The following ARB2A variants were observed in gnomAD, a reference collection of about 807,000 sequenced individuals.
ARB2A encodes the protein ARB2 cotranscriptional regulator A.
At chr5:93,816,917 C>T in the ARB2A span, among the ~76,000 whole-genome samples, 5 of 152,056 alleles carry the variant, frequency 3.3e-5, no homozygotes, top group African/African-American at 9.7e-5. Flanking sequence ...TGCTAGCCAC[C>T]TTTATTCAAC....
chr5:93,750,957 A>C, the ARB2A span, among the ~76,000 whole-genome samples: 1 of 152,172 alleles, frequency 6.6e-6, no homozygotes, highest in African/African-American at 2.4e-5. Flanking sequence ...AAAGTAAATA[A>C]AAGTAAAAAA....
the ARB2A span, among the ~76,000 whole-genome samples, chr5:94,068,846 G>A: frequency 4.8e-5 from 6 of 126,142 alleles, no homozygotes; most frequent in South Asian, 2.5e-4. Context: ...GTGAAACCCC[G>A]TCTCTACTAA....
chr5:93,740,597 G>A, the ARB2A span: 7 of 1,598,460 alleles, frequency 4.4e-6, no homozygotes, highest in Non-Finnish European at 6.0e-6. Context: ...AGGAGGCCCA[G>A]AGTGGTGGCT....
the ARB2A span, chr5:93,784,342 C>A: frequency 7.0e-7 from 1 of 1,435,102 alleles, no homozygotes; most frequent in Non-Finnish European, 9.8e-7. Context: ...TATAAAGGCT[C>A]ACACCCATTC....
the ARB2A span, among the ~76,000 whole-genome samples, chr5:93,788,209 G>T: frequency 5.3e-5 from 8 of 152,076 alleles, no homozygotes; most frequent in Admixed American, 5.2e-4. Flanking sequence ...AATTGAGGGG[G>T]GGAAATCCTG....
the ARB2A span, among the ~76,000 whole-genome samples, chr5:93,951,467 A>C: frequency 1.3e-5 from 2 of 152,170 alleles, no homozygotes; most frequent in African/African-American, 2.4e-5. Context: ...TTGAGGTCTT[A>C]AATTTTTTAA....
At chr5:93,775,150 T>C in the ARB2A span, among the ~76,000 whole-genome samples, 1 of 152,178 alleles carries the variant, frequency 6.6e-6, no homozygotes, top group African/African-American at 2.4e-5. Flanking sequence ...GCTGTAATGA[T>C]AGTGAAGCTC....
the ARB2A span, among the ~76,000 whole-genome samples, chr5:93,770,670 CAG>C: frequency 1.5e-4 from 22 of 151,070 alleles, no homozygotes; most frequent in African/African-American, 5.3e-4. Flanking sequence ...ATAACAGACA[CAG>C]AGCCAAATCA....
At chr5:93,877,569 G>T in the ARB2A span, among the ~76,000 whole-genome samples, 1 of 151,998 alleles carries the variant, frequency 6.6e-6, no homozygotes, top group African/African-American at 2.4e-5. Context: ...CACGCTCAAA[G>T]ATCTAAAGGA....
At chr5:93,874,432 C>G in the ARB2A span, among the ~76,000 whole-genome samples, 1 of 152,120 alleles carries the variant, frequency 6.6e-6, no homozygotes, top group Admixed American at 6.5e-5. Flanking sequence ...AAGGGGAGAG[C>G]TTCCAGGTTA....
the ARB2A span, among the ~76,000 whole-genome samples, chr5:93,647,918 G>A: frequency 7.2e-5 from 11 of 152,228 alleles, 1 homozygote; most frequent in South Asian, 6.2e-4. Context: ...TGAGGTGGGC[G>A]GATCATGTGA....
the ARB2A span, among the ~76,000 whole-genome samples, chr5:93,897,369 T>C: frequency 2.6e-5 from 4 of 152,048 alleles, no homozygotes; most frequent in African/African-American, 9.6e-5. Context: ...TAAAGTCCTC[T>C]TATATAAGCA....
the ARB2A span, among the ~76,000 whole-genome samples, chr5:93,969,786 C>T: frequency 6.6e-6 from 1 of 152,028 alleles, no homozygotes; most frequent in Non-Finnish European, 1.5e-5. Flanking sequence ...TTCATCTCAG[C>T]ATTACTTCAG....
chr5:94,069,461 C>G, the ARB2A span, among the ~76,000 whole-genome samples: 1 of 152,112 alleles, frequency 6.6e-6, no homozygotes, highest in Non-Finnish European at 1.5e-5. Context: ...ACAGCTCCTA[C>G]ACAGCAAAGA....
chr5:94,001,806 G>A, the ARB2A span, among the ~76,000 whole-genome samples: 2 of 151,794 alleles, frequency 1.3e-5, no homozygotes, highest in Admixed American at 6.6e-5. Flanking sequence ...GCCACATCTC[G>A]GTCTGATGCT....
chr5:94,094,825 GGAAA>G, the ARB2A span, among the ~76,000 whole-genome samples: 1 of 152,068 alleles, frequency 6.6e-6, no homozygotes, highest in African/African-American at 2.4e-5. Context: ...ATAATTTGCT[GGAAA>G]GACTCACAGA....
the ARB2A span, among the ~76,000 whole-genome samples, chr5:93,839,601 C>T: frequency 9.9e-5 from 15 of 151,970 alleles, no homozygotes; most frequent in African/African-American, 3.6e-4. Context: ...GGAGTGGTAG[C>T]AGCTCTTCTT....
At chr5:94,071,804 G>A in the ARB2A span, among the ~76,000 whole-genome samples, 1 of 152,148 alleles carries the variant, frequency 6.6e-6, no homozygotes, top group East Asian at 1.9e-4. Context: ...AAATAATTTG[G>A]TATTGTCTTA....
At chr5:94,065,062 C>T in the ARB2A span, among the ~76,000 whole-genome samples, 2 of 152,224 alleles carry the variant, frequency 1.3e-5, no homozygotes, top group African/African-American at 2.4e-5. Context: ...GAAATAAGCC[C>T]TCGCATATCA....
Sources: gnomAD v4.1 joint callset for allele counts (sites outside exome capture counted in the v4.1 genomes callset) on GRCh38, gnomAD v4.1.1 for gene constraint, MANE v1.5 for transcripts, NCBI Gene and HGNC (gene_info 2026-07-23, HGNC 2026-07-21) for gene names.